The following RANBP17 variants were observed in gnomAD, a reference collection of about 807,000 sequenced individuals.
RANBP17 encodes the protein ran-binding protein 17.
In RANBP17, 158 loss-of-function variants were observed where a neutral mutation model predicts 141.2. The observed-to-expected ratio is 1.12, with a 90% confidence interval of 0.98 to 1.28. The LOEUF (loss-of-function observed/expected upper bound fraction) is 1.28, where lower values mean the gene tolerates loss of function less well. Ranked by LOEUF, RANBP17 falls within the 50% of genes most tolerant of loss-of-function variation. The pLI is 0.00. For missense variants in RANBP17, 1,438 were observed against 1,290.7 expected (o/e 1.11, Z -1.75); for synonymous variants, 430 against 450.0 (o/e 0.96, Z 0.56).
intron 14 of RANBP17, among the ~76,000 whole-genome samples, chr5:171,150,177 T>C (rs1758370737): frequency 6.6e-6 from 1 of 152,084 alleles, no homozygotes; most frequent in Admixed American, 6.6e-5. Context: ...GCTGGGAATC[T>C]ATACCACTCT....
At chr5:171,137,708 C>T (rs564033554) in intron 14 of RANBP17, among the ~76,000 whole-genome samples, 1 of 151,328 alleles carries the variant, frequency 6.6e-6, no homozygotes, top group Admixed American at 6.6e-5. Context: ...AATTTGCCAC[C>T]AATTTATGGT....
chr5:170,968,543 T>C (rs1776761020), intron 14 of RANBP17, 166 bp downstream of exon 14: 3 of 676,978 alleles, frequency 4.4e-6, no homozygotes, highest in South Asian at 1.6e-5. Flanking sequence ...GCTTGTTTTA[T>C]ACCTAGTTTA....
chr5:171,203,748 C>T (rs1762427676), intron 19 of RANBP17, among the ~76,000 whole-genome samples: 1 of 152,000 alleles, frequency 6.6e-6, no homozygotes, highest in Admixed American at 6.6e-5. Context: ...TTGTACTAGA[C>T]ACAAAGAAAG....
At chr5:171,185,405 A>G (rs1338941150) in intron 18 of RANBP17, among the ~76,000 whole-genome samples, 1 of 152,238 alleles carries the variant, frequency 6.6e-6, no homozygotes, top group African/African-American at 2.4e-5. Context: ...GTAGCATACA[A>G]TGCTGTTTGT....
chr5:171,250,401 A>T (rs1315243898), intron 24 of RANBP17, among the ~76,000 whole-genome samples: 6 of 152,222 alleles, frequency 3.9e-5, no homozygotes, highest in Non-Finnish European at 7.3e-5. Context: ...AACCACAATT[A>T]GTAAGAGAAA....
Position 171,123,430 on chromosome 5 carries a change from A to G in RANBP17, c.1711-46700A>G, listed in dbSNP as rs150722583. On this transcript the variant is annotated intron_variant, in intron 14 of 27. Coordinates refer to ENST00000523189, the MANE Select transcript of RANBP17 (RefSeq NM_022897.5). ...GCCAATGCTGGCACACATGTATGTC[A>G]TTTGGGGGGTCAAGGGTTTAAGTTA... Among the ~76,000 whole-genome samples, 989 of 152,308 alleles carry G rather than the reference A, an allele frequency of 6.5e-3. 11 individuals carry two copies. Among genetic ancestry groups the G allele is most frequent in the African/African-American group, 0.023 (940 of 41,574 alleles).
intron 14 of RANBP17, among the ~76,000 whole-genome samples, chr5:171,101,408 G>A (rs533864505): frequency 6.3e-4 from 96 of 152,162 alleles, no homozygotes; most frequent in Admixed American, 9.2e-4. Flanking sequence ...TATCAAGGGC[G>A]AAGATTGCAA....
chr5:170,999,677 T>A (rs1342039124), intron 14 of RANBP17, among the ~76,000 whole-genome samples: 2 of 152,232 alleles, frequency 1.3e-5, no homozygotes, highest in Non-Finnish European at 2.9e-5. Flanking sequence ...TTTAATATAG[T>A]TGCTATAACC....
chr5:171,065,061 C>G (rs936508191), intron 14 of RANBP17, among the ~76,000 whole-genome samples: 5 of 152,050 alleles, frequency 3.3e-5, no homozygotes, highest in Admixed American at 3.3e-4. Context: ...GTTAGGAACC[C>G]TTTCCTTACA....
chr5:171,073,261 G>T (rs1215656330), intron 14 of RANBP17, among the ~76,000 whole-genome samples: 2 of 152,122 alleles, frequency 1.3e-5, no homozygotes, highest in Non-Finnish European at 2.9e-5. Flanking sequence ...ATATCTTAAT[G>T]AAAGTGGTAG....
intron 14 of RANBP17, among the ~76,000 whole-genome samples, chr5:171,027,771 C>T (rs1445375220): frequency 6.6e-6 from 1 of 151,904 alleles, no homozygotes; most frequent in Non-Finnish European, 1.5e-5. Flanking sequence ...GACCAGTAGA[C>T]CTAGTTTTTC....
intron 13 of RANBP17, among the ~76,000 whole-genome samples, chr5:170,961,613 T>G (rs1012387416): frequency 5.9e-5 from 9 of 152,298 alleles, no homozygotes; most frequent in African/African-American, 2.2e-4. Flanking sequence ...AAATGCTCAT[T>G]GAAGCATTTC....
chr5:171,166,564 ACT>A lies in RANBP17; in HGVS notation c.1711-3563_1711-3562del, dbSNP rs1759713607. On this transcript the variant is annotated intron_variant, in intron 14 of 27. Coordinates refer to ENST00000523189, the MANE Select transcript of RANBP17 (RefSeq NM_022897.5). ...ATACAAGTTGTAGAAAGTGTTAAAA[ACT>A]CTAAATACTGTGTTAGAAGATTTTT... Among the ~76,000 whole-genome samples, 3 of 151,698 alleles carry A rather than the reference ACT, an allele frequency of 2.0e-5. No homozygotes were observed. The South Asian group carries it at 6.2e-4, about 32-fold the overall frequency.
At chr5:171,097,608 T>A (rs1007249022) in intron 14 of RANBP17, among the ~76,000 whole-genome samples, 1 of 141,388 alleles carries the variant, frequency 7.1e-6, no homozygotes, top group Non-Finnish European at 1.5e-5. Flanking sequence ...ATGTAGTCTT[T>A]TTATTATTAT....
chr5:170,933,649 T>G (rs1185138326), intron 12 of RANBP17, among the ~76,000 whole-genome samples: 1 of 152,238 alleles, frequency 6.6e-6, no homozygotes, highest in Non-Finnish European at 1.5e-5. Flanking sequence ...ACATCTTTAT[T>G]TCTGCCTTGA....
chr5:170,914,051 G>T (rs1771747122), intron 7 of RANBP17, 116 bp from the exon 8 acceptor site: 1 of 682,518 alleles, frequency 1.5e-6, no homozygotes, highest in Non-Finnish European at 2.6e-6. Flanking sequence ...AGGCCTAACT[G>T]GAAGGAATGG....
At chr5:171,058,711 G>C (rs1352376583) in intron 14 of RANBP17, among the ~76,000 whole-genome samples, 2 of 150,682 alleles carry the variant, frequency 1.3e-5, no homozygotes, top group African/African-American at 4.9e-5. Flanking sequence ...GATATTTCTA[G>C]TTCTAGATCC....
chr5:170,913,308 G>A (rs763332590), intron 7 of RANBP17, among the ~76,000 whole-genome samples: 2 of 151,936 alleles, frequency 1.3e-5, no homozygotes, highest in African/African-American at 2.4e-5. Flanking sequence ...AAGTTAAGGA[G>A]CAACCAGTTC....
At chr5:170,945,545 T>C (rs1774683008) in intron 12 of RANBP17, among the ~76,000 whole-genome samples, 1 of 152,164 alleles carries the variant, frequency 6.6e-6, no homozygotes, top group Admixed American at 6.5e-5. Context: ...AAATAAGTAC[T>C]AGAGGCAGGA....
Sources: gnomAD v4.1 joint callset for allele counts (sites outside exome capture counted in the v4.1 genomes callset) on GRCh38, gnomAD v4.1.1 for gene constraint, MANE v1.5 for transcripts, NCBI Gene and HGNC (gene_info 2026-07-23, HGNC 2026-07-21) for gene names.